Variants in KALRN observed in about 807,000 individuals in gnomAD.
The protein encoded by KALRN is kalirin RhoGEF kinase, also known as kalirin.
A neutral mutation model predicts 353.7 loss-of-function variants in KALRN; 70 were observed. The ratio of observed to expected loss-of-function variants is 0.20; its 90% CI spans 0.16 to 0.24. The LOEUF (loss-of-function observed/expected upper bound fraction) is 0.24, where lower values mean the gene tolerates loss of function less well. KALRN is among the 10% of genes least tolerant of loss of function. KALRN has a pLI of 1.00. For missense variants in KALRN, 2,791 were observed against 3,756.7 expected (o/e 0.74, Z 6.72); for synonymous variants, 1,391 against 1,434.8 (o/e 0.97, Z 0.69).
At chr3:124,194,046 G>A (rs1483384833) in intron 1 of KALRN, among the ~76,000 whole-genome samples, 1 of 152,150 alleles carries the variant, frequency 6.6e-6, no homozygotes, top group Non-Finnish European at 1.5e-5. Context: ...GATATTCACT[G>A]AGTGCTTACA....
intron 6 of KALRN, among the ~76,000 whole-genome samples, chr3:124,313,182 G>C: frequency 6.6e-6 from 1 of 152,168 alleles, no homozygotes; most frequent in African/African-American, 2.4e-5. Flanking sequence ...GGAACTACCA[G>C]ACTGCATGAT....
Position 124,355,004 on chromosome 3 carries a change from A to G in KALRN, c.1770+7739A>G, listed in dbSNP as rs77371721. Among the ~76,000 whole-genome samples the G allele has an allele frequency of 3.9e-4, 60 of 152,388 alleles. No individual in the cohort carries two copies. In the East Asian group the frequency reaches 0.011, roughly 27 times the overall value. ...AAAATGCTGTTCTGAGATTATTTCAATTCTGGTCAAGGAAAACTATGGTCA... is the reference window on the plus strand; with the variant it reads ...AAAATGCTGTTCTGAGATTATTTCAGTTCTGGTCAAGGAAAACTATGGTCA... On this transcript the variant is annotated intron_variant, in intron 10 of 59. Coordinates refer to ENST00000682506, the MANE Select transcript of KALRN (RefSeq NM_001388419.1).
chr3:124,257,066 C>G (rs1184563662), intron 3 of KALRN, among the ~76,000 whole-genome samples: 1 of 152,138 alleles, frequency 6.6e-6, no homozygotes, highest in Non-Finnish European at 1.5e-5. Context: ...CTGGAGAGAC[C>G]CTGAGGCCAT....
At chr3:124,587,023 T>G (rs1056837037) in intron 34 of KALRN, among the ~76,000 whole-genome samples, 7 of 152,174 alleles carry the variant, frequency 4.6e-5, no homozygotes, top group African/African-American at 1.7e-4. Flanking sequence ...TGAGCCTGAG[T>G]GCATGGCCCA....
chr3:124,264,364 G>T lies in KALRN; in HGVS notation c.264-134G>T, dbSNP rs1208652093. ...ACAGTTTGAGCTGAGTTTGAAGGTG[G>T]CCAAGAGACCTGGCATGAAGTTGAA... On this transcript the variant is annotated intron_variant, in intron 3 of 59. Transcript: ENST00000682506. 1.0e-5 allele frequency: 7 copies of T among 699,752 alleles called. No homozygotes were observed. The East Asian group carries it at 1.9e-4, about 19-fold the overall frequency. 43.3% of individuals were successfully genotyped at this position (699,752 alleles called of 1,614,324 possible).
intron 6 of KALRN, among the ~76,000 whole-genome samples, chr3:124,301,161 T>G (rs914686786): frequency 1.3e-5 from 2 of 152,210 alleles, no homozygotes; most frequent in Non-Finnish European, 2.9e-5. Context: ...ACTGCAAAGT[T>G]AAATCAAAAG....
At chr3:124,277,994 C>CTGTGTGTGTGTGTG (rs1437193234) in intron 5 of KALRN, among the ~76,000 whole-genome samples, 2 of 75,540 alleles carry the variant, frequency 2.6e-5, no homozygotes, top group East Asian at 5.8e-4. Context: ...CAGAGATGAA[C>CTGTGTGTGTGTGTG]TATGTGTGTG....
intron 3 of KALRN, among the ~76,000 whole-genome samples, chr3:124,260,881 A>G (rs1199863806): frequency 6.6e-6 from 1 of 152,036 alleles, no homozygotes. Flanking sequence ...CAGAAGGGAG[A>G]TCATTCACTT....
intron 3 of KALRN, among the ~76,000 whole-genome samples, chr3:124,244,269 C>A (rs34355932): frequency 0.32 from 49,132 of 151,898 alleles, 9,543 homozygotes; most frequent in East Asian, 0.67. Flanking sequence ...CGGAGTTTCA[C>A]TCTTGTCACC....
intron 6 of KALRN, among the ~76,000 whole-genome samples, chr3:124,316,560 C>T (rs1477445688): frequency 6.6e-6 from 1 of 152,200 alleles, no homozygotes; most frequent in Non-Finnish European, 1.5e-5. Context: ...GCCTTTGCCC[C>T]TGCTGCTCCT....
intron 45 of KALRN, among the ~76,000 whole-genome samples, chr3:124,662,681 T>C (rs2085047937): frequency 6.6e-6 from 1 of 152,258 alleles, no homozygotes. Context: ...GAAATGGCTG[T>C]GTCCCAAAGA....
chr3:124,487,337 A>G (rs185387061), intron 28 of KALRN, among the ~76,000 whole-genome samples: 346 of 152,316 alleles, frequency 2.3e-3, no homozygotes, highest in Admixed American at 5.1e-3. Context: ...CTGAGTCTCC[A>G]ATGAGGAAAT....
chr3:124,197,542 C>G (rs1173385214), intron 1 of KALRN, among the ~76,000 whole-genome samples: 1 of 152,190 alleles, frequency 6.6e-6, no homozygotes, highest in Admixed American at 6.5e-5. Flanking sequence ...AACACTTTTC[C>G]GGTTGTGGGC....
chr3:124,202,952 A>G (rs563391144), intron 1 of KALRN, among the ~76,000 whole-genome samples: 41 of 152,198 alleles, frequency 2.7e-4, no homozygotes, highest in African/African-American at 8.2e-4. Context: ...CTGGGCCGTC[A>G]GCACTCTCCA....
intron 1 of KALRN, among the ~76,000 whole-genome samples, chr3:124,135,809 C>T (rs1401934888): frequency 6.6e-6 from 1 of 152,118 alleles, no homozygotes; most frequent in East Asian, 1.9e-4. Flanking sequence ...CTGCTCAACT[C>T]AGAGTCAACC....
At position 124,368,084 on chromosome 3, in the gene KALRN, C is replaced by T. The variant is rs1325580758; in HGVS notation, c.1771-16761C>T. 1.2e-4 allele frequency among the ~76,000 whole-genome samples: 6 copies of T among 50,744 alleles called. 1 individual carries two copies. Among genetic ancestry groups the T allele is most frequent in the Admixed American group, 1.9e-4 (1 of 5,390 alleles). The allele number at this position is 50,744 out of a possible 152,430, so 33.3% of individuals were successfully genotyped here. A position where few individuals can be genotyped will look rare whatever the true frequency, so the allele number is the denominator to read the frequency against. On this transcript the variant is annotated intron_variant, in intron 10 of 59. Transcript: ENST00000682506. Reference sequence around the variant, plus strand: ...CTCCCGGACGGGGCGGCTGGCCAGGCGGGGGGCTGACCCCCCCACCTCCCT... The same window carrying T: ...CTCCCGGACGGGGCGGCTGGCCAGGTGGGGGGCTGACCCCCCCACCTCCCT...
chr3:124,336,901 A>G (rs2081189001), intron 9 of KALRN, among the ~76,000 whole-genome samples: 1 of 152,198 alleles, frequency 6.6e-6, no homozygotes, highest in East Asian at 1.9e-4. Flanking sequence ...CTTTGTAGCA[A>G]TTGTGAGTGG....
At chr3:124,563,227 G>A in intron 34 of KALRN, 138 bp downstream of exon 34, 2 of 925,756 alleles carry the variant, frequency 2.2e-6, no homozygotes, top group Middle Eastern at 4.8e-4. Context: ...GGACCTGACT[G>A]TGAAGAGAAT....
intron 54 of KALRN, 141 bp downstream of exon 54, chr3:124,696,396 G>C (rs552125939): frequency 4.9e-6 from 3 of 609,946 alleles, no homozygotes; most frequent in African/African-American, 3.8e-5. Flanking sequence ...TCAGCCTCCC[G>C]ATTAGCTGGA....
Sources: gnomAD v4.1 joint callset for allele counts (sites outside exome capture counted in the v4.1 genomes callset) on GRCh38, gnomAD v4.1.1 for gene constraint, MANE v1.5 for transcripts, NCBI Gene and HGNC (gene_info 2026-07-23, HGNC 2026-07-21) for gene names.